CCDC18: variants seen among roughly 807,000 people sequenced by gnomAD.
The protein encoded by CCDC18 is coiled-coil domain containing 18, also known as coiled-coil domain-containing protein 18.
Under a neutral mutation model 196.0 loss-of-function variants are expected in CCDC18, and 157 were observed. The ratio of observed to expected loss-of-function variants is 0.80; its 90% confidence interval spans 0.70 to 0.91. The LOEUF (loss-of-function observed/expected upper bound fraction) is 0.91, where lower values mean the gene tolerates loss of function less well. Among genes scored for constraint, CCDC18 ranks in the 40% least tolerant of loss-of-function variants. The pLI is 0.00. For missense variants in CCDC18, 1,465 were observed against 1,611.6 expected, an observed-to-expected ratio of 0.91 and a Z score of 1.56; for synonymous variants, 482 against 529.2, an observed-to-expected ratio of 0.91 and a Z score of 1.22.
At chr1:93,236,050 C>T (rs1446880522) in intron 18 of CCDC18, among the ~76,000 whole-genome samples, 198 bp from the exon 19 acceptor site, 2 of 152,154 alleles carry the variant, frequency 1.3e-5, no homozygotes, top group Non-Finnish European at 2.9e-5. Context: ...GATGTGGCCA[C>T]TTCCCTAAAT....
intron 10 of CCDC18, among the ~76,000 whole-genome samples, chr1:93,211,260 A>G (rs1655595064): frequency 7.1e-6 from 1 of 140,222 alleles, no homozygotes; most frequent in Non-Finnish European, 1.6e-5. Flanking sequence ...CCTGAGCAAC[A>G]GAGTGAGACT....
chr1:93,236,462 A>G, intron 19 of CCDC18, 72 bp downstream of exon 19: 1 of 1,415,674 alleles, frequency 7.1e-7, no homozygotes, highest in South Asian at 1.3e-5. Flanking sequence ...AAATCAGATA[A>G]TGTTCAGTGG....
chr1:93,270,097 T>C (rs1293247201), intron 27 of CCDC18, among the ~76,000 whole-genome samples: 2 of 152,156 alleles, frequency 1.3e-5, no homozygotes, highest in East Asian at 1.9e-4. Flanking sequence ...AAAATATATA[T>C]ATAAGGAGAA....
Position 93,226,317 on chromosome 1 carries a change from T to TTG in CCDC18, c.2176-15_2176-14insGT. On this transcript the variant is annotated splice_polypyrimidine_tract_variant and intron_variant, in intron 16 of 28. Transcript: ENST00000690025. ...TTTTGTGTTTTTTTTTTTTTTTTGCTTTTTTTCCTGCTTAGGTTAGGCAAC... is the reference window on the plus strand; with the variant it reads ...TTTTGTGTTTTTTTTTTTTTTTTGCTTGTTTTTTCCTGCTTAGGTTAGGCAAC... The TTG allele has an allele frequency of 2.8e-6, 3 of 1,067,594 alleles. No individual in the cohort carries two copies. Among genetic ancestry groups the TTG allele is most frequent in the Non-Finnish European group, 4.0e-6 (3 of 742,416 alleles). 66.1% of individuals were successfully genotyped at this position (1,067,594 alleles called of 1,614,324 possible).
At chr1:93,246,277 C>A in intron 22 of CCDC18, 73 bp downstream of exon 22, 1 of 1,022,140 alleles carries the variant, frequency 9.8e-7, no homozygotes, top group Non-Finnish European at 1.4e-6. Context: ...GAGAGGTCAC[C>A]AATTTTTTGT....
intron 17 of CCDC18, among the ~76,000 whole-genome samples, chr1:93,231,390 T>C (rs1204439819): frequency 6.6e-6 from 1 of 152,186 alleles, no homozygotes; most frequent in Non-Finnish European, 1.5e-5. Flanking sequence ...TTCAAAATTA[T>C]ATTAATGAAA....
At chr1:93,227,633 GA>G (rs1367477120) in intron 17 of CCDC18, among the ~76,000 whole-genome samples, 2 of 151,902 alleles carry the variant, frequency 1.3e-5, no homozygotes, top group African/African-American at 4.8e-5. Flanking sequence ...TTTATTTTTA[GA>G]AATCGTTCCC....
rs1458412603 is a variant in CCDC18, at chr1:93,180,765, T to A, written c.-90T>A. On this transcript the variant is annotated 5_prime_UTR_variant, in exon 1 of 29. It adds an upstream start codon to the 5' untranslated region. Transcript: ENST00000690025. ...TGCCGGGGTTCGCTGGTTCTCCGAG[T>A]TGTGTCCGAGGCTTCCACGCGCAGG... The A allele has an allele frequency of 1.5e-6, 2 of 1,367,128 alleles. No individual in the cohort carries two copies. Among genetic ancestry groups the A allele is most frequent in the African/African-American group, 1.5e-5 (1 of 67,610 alleles). The allele number at this position is 1,367,128 out of a possible 1,614,324, so 84.7% of individuals were successfully genotyped here.
chr1:93,270,045 G>A (rs1488513950), intron 27 of CCDC18, among the ~76,000 whole-genome samples: 1 of 152,062 alleles, frequency 6.6e-6, no homozygotes, highest in Non-Finnish European at 1.5e-5. Context: ...TTAGGTGTAA[G>A]ATTTCAATCT....
intron 6 of CCDC18, among the ~76,000 whole-genome samples, chr1:93,197,741 TTTTC>T (rs1652977706): frequency 1.5e-5 from 2 of 130,888 alleles, no homozygotes; most frequent in South Asian, 5.1e-4. Context: ...ATTTCTTTTC[TTTTC>T]TTTTTTTTTT....
rs1184308528 is a variant in CCDC18 at position 93,193,439 on chromosome 1, T to C, written c.570-177T>C. Among the ~76,000 whole-genome samples, 4 of 152,316 alleles carry C rather than the reference T, an allele frequency of 2.6e-5. No homozygotes were observed. The East Asian group carries it at 7.7e-4, about 29-fold the overall frequency. ...TCATCTGGTGGAAGTATTCTTTTAT[T>C]CTTTAAAAAACTCTTAATTAACAAG... On this transcript the variant is annotated intron_variant, in intron 5 of 28. Transcript: ENST00000690025.
At chr1:93,256,223 G>A in intron 24 of CCDC18, 112 bp from the exon 25 acceptor site, 1 of 852,262 alleles carries the variant, frequency 1.2e-6, no homozygotes, top group Non-Finnish European at 1.9e-6. Flanking sequence ...CTCATTGTAT[G>A]TTAAAGGATT....
rs375977047 is a variant in CCDC18, at chr1:93,194,653, A to G, written c.698+909A>G. Among the ~76,000 whole-genome samples the G allele has an allele frequency of 2.2e-4, 34 of 152,356 alleles. No individual in the cohort carries two copies. The South Asian group carries it at 6.6e-3, about 30-fold the overall frequency. On this transcript the variant is annotated intron_variant, in intron 6 of 28. Transcript: ENST00000690025. ...ATGTACCTCTTAAAAAATACTAACA[A>G]TTTAACTATTTTATAAACTTTGTGG...
chr1:93,271,191 T>A, intron 28 of CCDC18: 1 of 985,404 alleles, frequency 1.0e-6, no homozygotes, highest in Non-Finnish European at 1.2e-6. Context: ...TCGTCATAAT[T>A]TACTGTTCAT....
At chr1:93,230,560 T>C (rs1269584849) in intron 17 of CCDC18, among the ~76,000 whole-genome samples, 1 of 152,090 alleles carries the variant, frequency 6.6e-6, no homozygotes, top group Non-Finnish European at 1.5e-5. Context: ...CAGTGTAAGT[T>C]TGATAGATAT....
In CCDC18 at chr1:93,221,616, C is replaced by T; in HGVS notation, c.1970C>T (p.Ala657Val). ...EMEKQIERLE[A>V]QLEKKDQQFK... is the part of the protein sequence containing the mutation. ...TTCTGTTTTCATGTTTAGCTTGAAG[C>T]TCAACTAGAGAAAAAGGACCAACAA... Residue 657 changes from alanine (A) to valine (V), a missense_variant, in exon 15 of 29, where the codon GCT (alanine) becomes GTT (valine). Transcript: ENST00000690025. 6.6e-7 allele frequency: 1 copy of T among 1,516,536 alleles called. No individual in the cohort carries two copies. The highest frequency in any genetic ancestry group is 8.8e-7 in the Non-Finnish European group (1 of 1,141,800). The allele number at this position is 1,516,536 out of a possible 1,614,324, so 93.9% of individuals were successfully genotyped here.
Position 93,193,688 on chromosome 1 carries a change from A to G in CCDC18, c.642A>G (p.Lys214=). 6.3e-7 allele frequency: 1 copy of G among 1,591,040 alleles called. No homozygotes were observed. Among genetic ancestry groups the G allele is most frequent in the Non-Finnish European group, 8.5e-7 (1 of 1,171,028 alleles). ...AGGAACAGAGTTTGCAGGAGTCCAA[A>G]GAGGAATGTATAAAATTAAAGGTGG... ...IEKEQSLQES[K]EECIKLKVDL... is the part of the protein sequence containing the mutation. The change falls in exon 6 of 29, where the codon AAA becomes AAG. Residue 214 remains lysine (K), a synonymous_variant. Transcript: ENST00000690025.
chr1:93,247,588 T>A (rs1288873199), intron 23 of CCDC18, among the ~76,000 whole-genome samples: 3 of 151,778 alleles, frequency 2.0e-5, no homozygotes, highest in Non-Finnish European at 2.9e-5. Flanking sequence ...GCTAATTTTT[T>A]AATTTTTTGT....
intron 27 of CCDC18, among the ~76,000 whole-genome samples, chr1:93,266,279 G>C (rs1052149297): frequency 6.6e-6 from 1 of 152,186 alleles, no homozygotes; most frequent in Non-Finnish European, 1.5e-5. Flanking sequence ...GAATCTCTGG[G>C]ACACATTTAA....
Sources: allele counts gnomAD v4.1 joint callset (sites outside exome capture counted in the v4.1 genomes callset), GRCh38; gene constraint gnomAD v4.1.1; transcripts MANE v1.5; gene names NCBI Gene and HGNC (gene_info 2026-07-23, HGNC 2026-07-21).